SLC34A2: variants seen among roughly 807,000 people sequenced by gnomAD.
The protein encoded by SLC34A2 is solute carrier family 34 member 2.
SLC34A2 carries 41 observed loss-of-function variants against 50.8 expected under a neutral mutation model. The ratio of observed to expected loss-of-function variants is 0.81; its 90% CI spans 0.63 to 1.05. The LOEUF is 1.05. SLC34A2 is among the 50% of genes least tolerant of loss of function. The probability of loss-of-function intolerance (pLI) is 0.00; values close to 1 mark genes in which losing one functional copy is unlikely to be tolerated. For synonymous variants in SLC34A2, 401 were observed against 364.2 expected (o/e 1.10, Z -1.15); for missense variants, 879 against 876.7 (o/e 1.00, Z -0.03).
At chr4:25,668,640 T>TAA (rs201811688) in intron 6 of SLC34A2, among the ~76,000 whole-genome samples, 217 of 141,460 alleles carry the variant, frequency 1.5e-3, no homozygotes, top group African/African-American at 4.4e-3. Flanking sequence ...AGACTCCATC[T>TAA]AAAAAAAAAA....
intron 5 of SLC34A2, chr4:25,666,982 T>C (rs1714535578): frequency 6.6e-6 from 1 of 152,144 alleles, no homozygotes; most frequent in African/African-American, 2.4e-5. Flanking sequence ...GCTCAAGTGA[T>C]CCTCCCAAAA....
intron 1 of SLC34A2, among the ~76,000 whole-genome samples, chr4:25,660,011 C>T (rs1714095483): frequency 6.6e-6 from 1 of 152,162 alleles, no homozygotes; most frequent in African/African-American, 2.4e-5. Flanking sequence ...TCAGTATAAC[C>T]TCTTTAATGG....
intron 1 of SLC34A2, among the ~76,000 whole-genome samples, chr4:25,660,759 G>A (rs1714136951): frequency 6.6e-6 from 1 of 152,166 alleles, no homozygotes; most frequent in Non-Finnish European, 1.5e-5. Flanking sequence ...TGTCCAGGCT[G>A]GTCTCTAACT....
rs971963425 is a variant in SLC34A2, at chr4:25,674,741, A to T, written c.1458+112A>T. 3.5e-6 allele frequency: 5 copies of T among 1,415,870 alleles called. No individual in the cohort carries two copies. In the African/African-American group the frequency reaches 7.1e-5, roughly 20 times the overall value. 87.7% of individuals were successfully genotyped at this position (1,415,870 alleles called of 1,614,324 possible). Reference sequence around the variant, plus strand: ...TTCTCTGTACTATCCAAAATATGGAACTAATATGTGGAGGGGAAGCCACGG... The same window carrying T: ...TTCTCTGTACTATCCAAAATATGGATCTAATATGTGGAGGGGAAGCCACGG... On this transcript the variant is annotated intron_variant, in intron 12 of 12. Transcript: ENST00000382051.
Position 25,676,341 on chromosome 4 carries a change from G to A in SLC34A2, c.1665G>A (p.Leu555=). 6.2e-7 allele frequency: 1 copy of A among 1,614,198 alleles called. No homozygotes were observed. Among genetic ancestry groups the A allele is most frequent in the African/African-American group, 1.3e-5 (1 of 75,058 alleles). ...TCTCGCTGGCCGGCTGGCGGGTGCT[G>A]GTTGGTGTCGGGGTTCCCGTCGTCT... ...FGLSLAGWRV[L]VGVGVPVVFI... The change falls in exon 13 of 13, where the codon CTG becomes CTA. Residue 555 remains leucine (L), a synonymous_variant. Transcript: ENST00000382051.
intron 10 of SLC34A2, among the ~76,000 whole-genome samples, chr4:25,673,697 G>A (rs930115773): frequency 6.6e-6 from 1 of 152,142 alleles, no homozygotes; most frequent in Non-Finnish European, 1.5e-5. Flanking sequence ...AGGATTTCCT[G>A]CCAAGTAGGG....
Position 25,676,936 on chromosome 4 carries a change from C to A in SLC34A2, c.*187C>A. 2.9e-6 allele frequency: 2 copies of A among 696,770 alleles called. No individual in the cohort carries two copies. The highest frequency in any genetic ancestry group is 4.9e-6 in the Non-Finnish European group (2 of 408,746). The allele number at this position is 696,770 out of a possible 1,614,324, so 43.2% of individuals were successfully genotyped here. A position where few individuals can be genotyped will look rare whatever the true frequency, so the allele number is the denominator to read the frequency against. On this transcript the variant is annotated 3_prime_UTR_variant, in exon 13 of 13. Transcript: ENST00000382051. ...GTAGGCCTGCAGGGCACTTTTATTC[C>A]AACCCCTGGTCACTCAGTAATCTTT... is the stretch of plus-strand genomic sequence containing the variant.
At chr4:25,665,211 GGCTGGAGT>G (rs1714431404) in intron 4 of SLC34A2, 1 of 179,860 alleles carries the variant, frequency 5.6e-6, no homozygotes, top group South Asian at 2.1e-4. Flanking sequence ...TTGTTGCCCG[GGCTGGAGT>G]GCATTGGCGT....
Position 25,664,849 on chromosome 4 carries a change from C to T in SLC34A2, c.379+519C>T, listed in dbSNP as rs28588320. 1.5e-3 allele frequency: 362 copies of T among 236,182 alleles called. 1 individual carries two copies. The highest frequency in any genetic ancestry group is 7.5e-3 in the African/African-American group (341 of 45,402). 14.6% of individuals were successfully genotyped at this position (236,182 alleles called of 1,614,324 possible). On this transcript the variant is annotated intron_variant, in intron 4 of 12. Coordinates refer to ENST00000382051, the MANE Select transcript of SLC34A2 (RefSeq NM_006424.3). ...GTGAAGTCACCATGTGCTTGGTTCC[C>T]TTTGTACCTCAATGGTGATGTCAGA...
At chr4:25,673,347 A>G in intron 10 of SLC34A2, 93 bp downstream of exon 10, 1 of 1,192,752 alleles carries the variant, frequency 8.4e-7, no homozygotes, top group Non-Finnish European at 1.2e-6. Context: ...TGGCCTCTGC[A>G]TGGAGTTTCT....
chr4:25,672,966 A>G lies in SLC34A2; in HGVS notation c.1049-121A>G, dbSNP rs1714896813. On this transcript the variant is annotated intron_variant, in intron 9 of 12. Coordinates refer to ENST00000382051, the MANE Select transcript of SLC34A2 (RefSeq NM_006424.3). ...AGGGCTGTCTTGATTTGGGGCTGCCATCTGTTAAACTAACAACCAGGAATC... is the reference window on the plus strand; with the variant it reads ...AGGGCTGTCTTGATTTGGGGCTGCCGTCTGTTAAACTAACAACCAGGAATC... 8.4e-6 allele frequency: 9 copies of G among 1,069,848 alleles called. No homozygotes were observed. In the Admixed American group the frequency reaches 1.4e-4, roughly 16 times the overall value. 66.3% of individuals were successfully genotyped at this position (1,069,848 alleles called of 1,614,324 possible).
rs766735856 is a variant in SLC34A2 at position 25,674,317 on chromosome 4, G to A, written c.1238G>A (p.Trp413Ter). ...INTDFPFPFA[W>*]LTGYLAILVG... ...CCAGATTTCCCCTTTCCCTTTGCAT[G>A]GTTGACTGGCTACCTGGCCATCCTC... is the stretch of plus-strand genomic sequence containing the variant. Residue 413 changes from tryptophan (W) to a stop codon, truncating the protein, a stop_gained, in exon 11 of 13, where the codon TGG becomes TAG. Transcript: ENST00000382051. LOFTEE classifies it high-confidence loss of function. 3.7e-5 allele frequency: 60 copies of A among 1,613,932 alleles called. No homozygotes were observed. Among genetic ancestry groups the A allele is most frequent in the Non-Finnish European group, 4.9e-5 (58 of 1,179,978 alleles).
At chr4:25,675,107 C>T (rs951341633) in intron 12 of SLC34A2, among the ~76,000 whole-genome samples, 3 of 152,232 alleles carry the variant, frequency 2.0e-5, no homozygotes, top group Admixed American at 6.5e-5. Context: ...TCTCCACTCA[C>T]TGCAACCTCC....
Position 25,666,111 on chromosome 4 carries a change from T to A in SLC34A2, c.380-17T>A. ...TCACGTTGTGATTGTTTTTGTTTGTTTGTTTGTTTTTCCCAGGAAAAATGG... is the reference window on the plus strand; with the variant it reads ...TCACGTTGTGATTGTTTTTGTTTGTATGTTTGTTTTTCCCAGGAAAAATGG... On this transcript the variant is annotated splice_polypyrimidine_tract_variant and intron_variant, in intron 4 of 12. Transcript: ENST00000382051. The A allele has an allele frequency of 6.2e-7, 1 of 1,612,398 alleles. No individual in the cohort carries two copies. Among genetic ancestry groups the A allele is most frequent in the South Asian group, 1.1e-5 (1 of 91,072 alleles).
chr4:25,667,330 G>A (rs763911830), intron 5 of SLC34A2, among the ~76,000 whole-genome samples: 1 of 152,062 alleles, frequency 6.6e-6, no homozygotes, highest in Non-Finnish European at 1.5e-5. Context: ...TGACCAACAC[G>A]GTGAAACCCC....
Position 25,670,731 on chromosome 4 carries a change from TC to T in SLC34A2, c.832-5del, listed in dbSNP as rs1714767581. On this transcript the variant is annotated splice_region_variant and splice_polypyrimidine_tract_variant and intron_variant, in intron 7 of 12. Coordinates refer to ENST00000382051, the MANE Select transcript of SLC34A2 (RefSeq NM_006424.3). The stretch of plus-strand genomic sequence containing the variant: ...TGCTGATGGTTTCCTGTCTACTGTT[TC>T]CACAGCTGGATAAAAAAGTTATCAG... 1 of 1,611,432 alleles carries T rather than the reference TC, an allele frequency of 6.2e-7. No homozygotes were observed. Among genetic ancestry groups the T allele is most frequent in the Non-Finnish European group, 8.5e-7 (1 of 1,177,940 alleles).
chr4:25,674,066 A>T (rs1007169720), intron 10 of SLC34A2, among the ~76,000 whole-genome samples: 2 of 152,182 alleles, frequency 1.3e-5, no homozygotes, highest in African/African-American at 4.8e-5. Context: ...ACCTCCAGGG[A>T]ATCTGTGTTT....
At position 25,670,773 on chromosome 4, in the gene SLC34A2, C is replaced by A. The variant is rs140631105; in HGVS notation, c.867C>A (p.Asn289Lys). The part of the protein sequence containing the change: ...DKKVISQIAM[N>K]DEKAKNKSLV... ...AAGTTATCAGCCAAATTGCAATGAA[C>A]GATGAAAAAGCGAAAAACAAGAGTC... The change falls in exon 8 of 13, where the codon AAC (asparagine) becomes AAA (lysine). Residue 289 changes from asparagine to lysine, a missense_variant. Transcript: ENST00000382051. 1.2e-6 allele frequency: 2 copies of A among 1,613,882 alleles called. No homozygotes were observed. The highest frequency in any genetic ancestry group is 1.7e-6 in the Non-Finnish European group (2 of 1,179,854).
intron 4 of SLC34A2, 59 bp downstream of exon 4, chr4:25,664,389 C>G: frequency 6.2e-7 from 1 of 1,602,152 alleles, no homozygotes; most frequent in East Asian, 2.2e-5. Context: ...AATGTGGTTC[C>G]GAGAGTAAAA....
Sources: allele counts gnomAD v4.1 joint callset (sites outside exome capture counted in the v4.1 genomes callset), GRCh38; gene constraint gnomAD v4.1.1; transcripts MANE v1.5; gene names NCBI Gene and HGNC (gene_info 2026-07-23, HGNC 2026-07-21).